The following FGF22 variants were observed in gnomAD, a reference collection of about 807,000 sequenced individuals.
FGF22 encodes the protein fibroblast growth factor 22.
FGF22 carries 11 observed loss-of-function variants against 10.3 expected under a neutral mutation model. That is an observed-to-expected ratio of 1.07 (90% CI 0.67 to 1.77). FGF22 has a LOEUF of 1.77. Among genes scored for constraint, FGF22 ranks in the 40% most tolerant of loss-of-function variants. FGF22 has a pLI of 0.00. For missense variants in FGF22, 317 were observed against 273.2 expected (o/e 1.16, Z -1.13); for synonymous variants, 136 against 122.1 (o/e 1.11, Z -0.75).
chr19:641,112 G>C, intron 1 of FGF22: 1 of 452,598 alleles, frequency 2.2e-6, no homozygotes, highest in Admixed American at 2.4e-5. Flanking sequence ...GGCTAGCTGA[G>C]GGCTCTCCTG....
chr19:643,059 G>GT (rs1476592839), intron 1 of FGF22, among the ~76,000 whole-genome samples, 176 bp from the exon 2 acceptor site: 1 of 9,720 alleles, frequency 1.0e-4, no homozygotes, highest in Non-Finnish European at 2.7e-4. Flanking sequence ...GGGGCTCCTG[G>GT]TGTCAGTCAC....
At chr19:642,813 C>T (rs1469116757) in intron 1 of FGF22, among the ~76,000 whole-genome samples, 1 of 151,302 alleles carries the variant, frequency 6.6e-6, no homozygotes, top group Non-Finnish European at 1.5e-5. Flanking sequence ...CCCAGGAACC[C>T]TTTCCCAACC....
In FGF22 at chr19:640,029, A is replaced by G. The variant is rs574406266; in HGVS notation, c.104A>G (p.His35Arg). 3.9e-5 allele frequency: 54 copies of G among 1,394,796 alleles called. No homozygotes were observed. In the East Asian group the frequency reaches 9.8e-4, roughly 25 times the overall value. The allele number at this position is 1,394,796 out of a possible 1,614,324, so 86.4% of individuals were successfully genotyped here. ...TCGCGGGGACCGCGCAGCTACCCGCACCTGGAGGGCGACGTGCGCTGGCGG... is the reference window on the plus strand; with the variant it reads ...TCGCGGGGACCGCGCAGCTACCCGCGCCTGGAGGGCGACGTGCGCTGGCGG... The change falls in exon 1 of 3, where the codon CAC becomes CGC. Residue 35 changes from histidine to arginine, a missense_variant. Physicochemically the swap from His to Arg is conservative, Grantham distance 29 (BLOSUM62 0). Transcript: ENST00000215530.
chr19:642,293 G>C (rs1447670273), intron 1 of FGF22, among the ~76,000 whole-genome samples: 1 of 14,080 alleles, frequency 7.1e-5, no homozygotes, highest in East Asian at 4.7e-3. Context: ...GGTGTGAGCT[G>C]TGAGGGCCGG....
chr19:643,473 G>T (rs143615127), exon 3 of FGF22: 6 of 1,611,246 alleles, frequency 3.7e-6, no homozygotes, highest in African/African-American at 1.3e-5. Flanking sequence ...CAACACCTAC[G>T]CCTCACAGCG....
intron 1 of FGF22, chr19:641,315 G>A (rs537244574): frequency 3.7e-5 from 17 of 453,394 alleles, no homozygotes; most frequent in Middle Eastern, 6.3e-4. Context: ...AGTGGCTCAC[G>A]TCGGTAATCC....
exon 3 of FGF22, chr19:643,694 G>A (rs1985992896): frequency 8.9e-7 from 1 of 1,129,760 alleles, no homozygotes; most frequent in Non-Finnish European, 1.2e-6. Flanking sequence ...GGCTCTGTAA[G>A]CGCTGAGTGC....
Position 641,318 on chromosome 19 carries a change from G to A in FGF22, c.214+1179G>A, listed in dbSNP as rs779586677. 43 of 452,940 alleles carry A rather than the reference G, an allele frequency of 9.5e-5. No homozygotes were observed. In the East Asian group the frequency reaches 1.1e-3, roughly 12 times the overall value. The allele number at this position is 452,940 out of a possible 1,614,324, so 28.1% of individuals were successfully genotyped here. ...TTGGCCGGGTGCAGTGGCTCACGTC[G>A]GTAATCCCAGCACTTTGGGAGGCCG... On this transcript the variant is annotated intron_variant, in intron 1 of 2. Transcript: ENST00000215530.
At chr19:643,947 A>T in exon 3 of FGF22, 2 of 20,756 alleles carry the variant, frequency 9.6e-5, no homozygotes, top group African/African-American at 1.8e-4. Context: ...AGCGGAGGGG[A>T]GGGGAGGGGG....
intron 1 of FGF22, 23 bp downstream of exon 1, chr19:640,162 C>G: frequency 1.6e-6 from 2 of 1,251,352 alleles, no homozygotes; most frequent in African/African-American, 1.6e-5. Flanking sequence ...CGGCGGGGGC[C>G]TGGGGTGGGG....
intron 1 of FGF22, chr19:641,369 G>A (rs1400014872): frequency 9.3e-5 from 40 of 431,572 alleles, no homozygotes; most frequent in South Asian, 6.1e-4. Flanking sequence ...GAGGTCAGGA[G>A]ATCGAGACCA....
chr19:640,139 A>T (rs989756434), exon 1 of FGF22: 1 of 1,275,878 alleles, frequency 7.8e-7, no homozygotes, highest in Admixed American at 4.2e-5. Flanking sequence ...CGGCCAGGAC[A>T]GTGAGTGCGG....
chr19:643,174 C>A (rs1265331225), intron 1 of FGF22, 61 bp from the exon 2 acceptor site: 8 of 1,219,542 alleles, frequency 6.6e-6, no homozygotes, highest in Non-Finnish European at 8.3e-6. Flanking sequence ...CGAAGCACAG[C>A]GGACAGCAGC....
Position 643,517 on chromosome 19 carries a change from G to A in FGF22, c.426G>A (p.Ala142=), listed in dbSNP as rs767641081. The A allele has an allele frequency of 1.1e-5, 17 of 1,608,184 alleles. 1 individual carries two copies. Among genetic ancestry groups the A allele is most frequent in the South Asian group, 3.3e-5 (3 of 90,878 alleles). Reference sequence around the variant, plus strand: ...GCCGCGGCCAGCCCATGTTCCTGGCGCTGGACAGGAGGGGGGGGCCCCGGC... The same window carrying A: ...GCCGCGGCCAGCCCATGTTCCTGGCACTGGACAGGAGGGGGGGGCCCCGGC... The change falls in exon 3 of 3, where the codon GCG becomes GCA. Residue 142 remains alanine, a synonymous_variant. Transcript: ENST00000215530.
intron 1 of FGF22, 22 bp downstream of exon 1, chr19:640,161 C>G: frequency 7.8e-7 from 1 of 1,273,988 alleles, no homozygotes. Flanking sequence ...GCGGCGGGGG[C>G]CTGGGGTGGG....
At chr19:640,455 G>A (rs1985864195) in intron 1 of FGF22, 1 of 257,050 alleles carries the variant, frequency 3.9e-6, no homozygotes. Context: ...CCAGCTGCAT[G>A]GCGGAAGCGG....
exon 3 of FGF22, chr19:643,517 G>T: frequency 6.2e-7 from 1 of 1,608,300 alleles, no homozygotes; most frequent in African/African-American, 1.3e-5. Flanking sequence ...TGTTCCTGGC[G>T]CTGGACAGGA....
chr19:643,187 T>C (rs778146390), intron 1 of FGF22, 48 bp from the exon 2 acceptor site: 10 of 885,940 alleles, frequency 1.1e-5, no homozygotes, highest in South Asian at 1.9e-5. Flanking sequence ...ACAGCAGCGG[T>C]GCTGGGGGTG....
intron 1 of FGF22, chr19:640,398 C>T (rs1985862474): frequency 3.0e-6 from 1 of 338,018 alleles, no homozygotes; most frequent in Non-Finnish European, 5.3e-6. Context: ...GGTGGGGCCA[C>T]CCATCTGCAG....
Sources: gnomAD v4.1 joint callset for allele counts (sites outside exome capture counted in the v4.1 genomes callset) on GRCh38, gnomAD v4.1.1 for gene constraint, MANE v1.5 for transcripts, NCBI Gene and HGNC (gene_info 2026-07-23, HGNC 2026-07-21) for gene names.